The following TUFM variants were observed in gnomAD, a reference collection of about 807,000 sequenced individuals.
TUFM encodes Tu translation elongation factor, mitochondrial.
Under a neutral mutation model 45.0 loss-of-function variants are expected in TUFM, and 23 were observed. The ratio of observed to expected loss-of-function variants is 0.51; its 90% confidence interval spans 0.37 to 0.72. The LOEUF is 0.72. TUFM is among the 30% of genes least tolerant of loss of function. TUFM has a pLI of 0.00. For missense variants in TUFM, 490 were observed against 610.7 expected (o/e 0.80, Z 2.08); for synonymous variants, 243 against 252.9 (o/e 0.96, Z 0.37).
At position 28,843,354 on chromosome 16, in the gene TUFM, TGTTCCTAAG is replaced by T. The variant is rs1007985611; in HGVS notation, c.1195-215_1195-207del. Among the ~76,000 whole-genome samples, 11 of 152,132 alleles carry T rather than the reference TGTTCCTAAG, an allele frequency of 7.2e-5. No homozygotes were observed. The South Asian group carries it at 2.3e-3, about 31-fold the overall frequency. ...AAACATAAAAGAGACCAGTGATGAG[TGTTCCTAAG>T]GTATGTTCTTGAGAAAAAAATGTCT... On this transcript the variant is annotated intron_variant, in intron 9 of 9. Transcript: ENST00000313511.
chr16:28,843,913 T>C, intron 8 of TUFM, 37 bp downstream of exon 8: 2 of 1,614,028 alleles, frequency 1.2e-6, no homozygotes, highest in South Asian at 1.1e-5. Flanking sequence ...GGGGAGAGCT[T>C]GGCTCAACCC....
At position 28,844,838 on chromosome 16, in the gene TUFM, AC is replaced by A. The variant is rs1961892876; in HGVS notation, c.543del (p.Tyr182MetfsTer2). On this transcript the variant is annotated frameshift_variant, in exon 5 of 10. Coordinates refer to ENST00000313511, the MANE Select transcript of TUFM (RefSeq NM_003321.5). LOFTEE classifies it high-confidence loss of function. This position sits in a 1 kb window ranked among gnomAD's most constrained non-coding sequence, Gnocchi z 5.8. ...ARQIGVEHVVVYVNKADAVQD... is the reference protein window; with the variant it reads ...ARQIGVEHVVXYVNKADAVQD... ...TGGACAGCGTCAGCCTTGTTCACAT[AC>A]ACCACCACATGCTCCACCCCAATCT... 5 of 1,614,090 alleles carry A rather than the reference AC, an allele frequency of 3.1e-6. No homozygotes were observed. Among genetic ancestry groups the A allele is most frequent in the Non-Finnish European group, 4.2e-6 (5 of 1,180,026 alleles).
rs1395734945 is a variant in TUFM at position 28,844,026 on chromosome 16, T to C, written c.998A>G (p.Lys333Arg). The change falls in exon 8 of 10, where the codon AAG becomes AGG. Residue 333 changes from lysine to arginine, a missense_variant. Coordinates refer to ENST00000313511, the MANE Select transcript of TUFM (RefSeq NM_003321.5). The surrounding 1 kb of genome is among the most constrained non-coding windows in gnomAD (Gnocchi z 5.8). ...DNLGALVRGL[K>R]REDLRRGLVM... is the part of the protein sequence containing the mutation. ...CAGGCCCCGCCGCAAGTCCTCCCGCTTCAAGCCTCGGACCAGGGCCCCGAG... is the reference window on the plus strand; with the variant it reads ...CAGGCCCCGCCGCAAGTCCTCCCGCCTCAAGCCTCGGACCAGGGCCCCGAG... 2 of 1,614,010 alleles carry C rather than the reference T, an allele frequency of 1.2e-6. No individual in the cohort carries two copies. Among genetic ancestry groups the C allele is most frequent in the Non-Finnish European group, 1.7e-6 (2 of 1,180,038 alleles).
At position 28,842,950 on chromosome 16, in the gene TUFM, G is replaced by T; in HGVS notation, c.*25C>A. 6.2e-7 allele frequency: 1 copy of T among 1,613,484 alleles called. No individual in the cohort carries two copies. On this transcript the variant is annotated 3_prime_UTR_variant, in exon 10 of 10. Transcript: ENST00000313511. ...GGCTAGGGCAGGCCTTAAACGCAAGGGAAGCTGAGCAGAGATCTGCACACT... is the reference window on the plus strand; with the variant it reads ...GGCTAGGGCAGGCCTTAAACGCAAGTGAAGCTGAGCAGAGATCTGCACACT...
At position 28,843,850 on chromosome 16, in the gene TUFM, G is replaced by A; in HGVS notation, c.1080C>T (p.Tyr360=). 6.2e-7 allele frequency: 1 copy of A among 1,614,180 alleles called. No homozygotes were observed. The highest frequency in any genetic ancestry group is 8.5e-7 in the Non-Finnish European group (1 of 1,180,048). ...KPHQKVEAQV[Y]ILSKEEGGRH... The stretch of plus-strand genomic sequence containing the variant: ...GGCCACCTTCCTCCTTGCTGAGGAT[G>A]TAAACCTGGAGGAGAGCAAGCAATG... The change falls in exon 9 of 10, where the codon TAC becomes TAT. Residue 360 remains tyrosine, a synonymous_variant. Coordinates refer to ENST00000313511, the MANE Select transcript of TUFM (RefSeq NM_003321.5).
Position 28,846,264 on chromosome 16 carries a change from G to A in TUFM, c.6C>T (p.Thr2=), listed in dbSNP as rs751421456. The A allele has an allele frequency of 1.9e-4, 296 of 1,560,230 alleles. 1 individual carries two copies. The highest frequency in any genetic ancestry group is 1.2e-3 in the Middle Eastern group (7 of 5,972). Residue 2 remains threonine, a synonymous_variant, in exon 1 of 10, where the codon ACC becomes ACT. Coordinates refer to ENST00000313511, the MANE Select transcript of TUFM (RefSeq NM_003321.5). Reference sequence around the variant, plus strand: ...GCAGCAGGGTGGCGGCCGCCATTGTGGTCATACTCGCGCCCCGGTAACCGG... The same window carrying A: ...GCAGCAGGGTGGCGGCCGCCATTGTAGTCATACTCGCGCCCCGGTAACCGG... M[T]TMAAATLLRA... is the part of the protein sequence containing the mutation.
rs758737343 is a variant in TUFM at position 28,845,449 on chromosome 16, C to T, written c.279G>A (p.Lys93=). The T allele has an allele frequency of 3.8e-5, 62 of 1,614,174 alleles. No homozygotes were observed. The highest frequency in any genetic ancestry group is 5.2e-5 in the Non-Finnish European group (61 of 1,180,020). ...ILAEGGGAKF[K]KYEEIDNAPE... ...GGGCATTGTCAATCTCCTCGTACTT[C>T]TTGAACTTAGCCCCACCTCCCTCAG... The change falls in exon 3 of 10, where the codon AAG becomes AAA. Residue 93 remains lysine, a synonymous_variant. Transcript: ENST00000313511.
chr16:28,845,023 G>T lies in TUFM; in HGVS notation c.447C>A (p.Gly149=), dbSNP rs1316371660. Residue 149 remains glycine, a synonymous_variant, in exon 4 of 10, where the codon GGC becomes GGA. Coordinates refer to ENST00000313511, the MANE Select transcript of TUFM (RefSeq NM_003321.5). ...NMITGTAPLD[G]CILVVAANDG... ...CATTGGCTGCTACCACCAGGATGCA[G>T]CCGTCGAGGGGTGCAGTGCCTGTGA... The T allele has an allele frequency of 6.2e-7, 1 of 1,614,064 alleles. No homozygotes were observed. Among genetic ancestry groups the T allele is most frequent in the Non-Finnish European group, 8.5e-7 (1 of 1,180,038 alleles).
chr16:28,843,366 A>G (rs1961849505), intron 9 of TUFM, among the ~76,000 whole-genome samples: 1 of 152,188 alleles, frequency 6.6e-6, no homozygotes, highest in Non-Finnish European at 1.5e-5. Flanking sequence ...TTCCTAAGGT[A>G]TGTTCTTGAG....
In TUFM at chr16:28,845,486, G is replaced by C. The variant is rs1254801000; in HGVS notation, c.248-6C>G. ...CCCACCTCCCTCAGCTAGAACTAAA[G>C]GAGGAAAAGAACACACCTCTCAGCT... On this transcript the variant is annotated splice_polypyrimidine_tract_variant and splice_region_variant and intron_variant, in intron 2 of 9. Coordinates refer to ENST00000313511, the MANE Select transcript of TUFM (RefSeq NM_003321.5). 1.2e-6 allele frequency: 2 copies of C among 1,614,122 alleles called. No homozygotes were observed. The highest frequency in any genetic ancestry group is 1.1e-5 in the South Asian group (1 of 91,088).
At position 28,843,852 on chromosome 16, in the gene TUFM, A is replaced by C; in HGVS notation, c.1078T>G (p.Tyr360Asp). 1 of 1,614,120 alleles carries C rather than the reference A, an allele frequency of 6.2e-7. No homozygotes were observed. The highest frequency in any genetic ancestry group is 8.5e-7 in the Non-Finnish European group (1 of 1,180,028). The change falls in exon 9 of 10, where the codon TAC becomes GAC. Residue 360 changes from tyrosine to aspartate, a missense_variant. Coordinates refer to ENST00000313511, the MANE Select transcript of TUFM (RefSeq NM_003321.5). ...KPHQKVEAQVYILSKEEGGRH... is the reference protein window; with the variant it reads ...KPHQKVEAQVDILSKEEGGRH... ...CCACCTTCCTCCTTGCTGAGGATGT[A>C]AACCTGGAGGAGAGCAAGCAATGAC...
intron 3 of TUFM, 76 bp downstream of exon 3, chr16:28,845,238 C>T (rs1596603517): frequency 3.7e-6 from 6 of 1,610,258 alleles, no homozygotes; most frequent in East Asian, 2.2e-5. Context: ...ATCTTAATCT[C>T]CTCCCCACAA....
chr16:28,842,747 C>T lies in TUFM; in HGVS notation c.*228G>A, dbSNP rs1961833909. 1 of 607,562 alleles carries T rather than the reference C, an allele frequency of 1.6e-6. No homozygotes were observed. The highest frequency in any genetic ancestry group is 1.8e-5 in the South Asian group (1 of 55,136). 37.6% of individuals were successfully genotyped at this position (607,562 alleles called of 1,614,324 possible). A position where few individuals can be genotyped will look rare whatever the true frequency, so the allele number is the denominator to read the frequency against. On this transcript the variant is annotated 3_prime_UTR_variant, in exon 10 of 10. Coordinates refer to ENST00000313511, the MANE Select transcript of TUFM (RefSeq NM_003321.5). ...GGTTCAACACCCTTTTTGTCCTCCC[C>T]TATCCTCTCCAATTTGCACAAAGGA...
rs1567455349 is a variant in TUFM at position 28,846,170 on chromosome 16, CT to C, written c.52+47del. On this transcript the variant is annotated intron_variant, in intron 1 of 9. Transcript: ENST00000313511. ...TCAGACCGAACCCAGCCACCTACCA[CT>C]CCCCCAAAGTGTTCCTGGGCCGCCA... The C allele has an allele frequency of 2.5e-6, 4 of 1,599,544 alleles. No individual in the cohort carries two copies. In the South Asian group the frequency reaches 4.5e-5, roughly 18 times the overall value.
Position 28,844,879 on chromosome 16 carries a change from G to A in TUFM, c.520-17C>T, listed in dbSNP as rs1285038739. The A allele has an allele frequency of 1.4e-5, 22 of 1,614,036 alleles. No individual in the cohort carries two copies. The highest frequency in any genetic ancestry group is 1.8e-5 in the Non-Finnish European group (21 of 1,180,040). On this transcript the variant is annotated splice_polypyrimidine_tract_variant and intron_variant, in intron 4 of 9. Transcript: ENST00000313511. This position sits in a 1 kb window ranked among gnomAD's most constrained non-coding sequence, Gnocchi z 5.8. ...CACCCCAATCTGTAGATGCCAGAGA[G>A]ACAGGGACAATATACAGAGGGGCCC... is the stretch of plus-strand genomic sequence containing the variant.
chr16:28,844,184 G>A lies in TUFM; in HGVS notation c.922+46C>T. ...AGGCACAAGGGATCTGCCGGGGTAA[G>A]GCCACCCTTCAGCCAGGCCCTGCTC... On this transcript the variant is annotated intron_variant, in intron 7 of 9. Coordinates refer to ENST00000313511, the MANE Select transcript of TUFM (RefSeq NM_003321.5). The surrounding 1 kb of genome is among the most constrained non-coding windows in gnomAD (Gnocchi z 5.8). 1.2e-6 allele frequency: 2 copies of A among 1,613,580 alleles called. No individual in the cohort carries two copies. The highest frequency in any genetic ancestry group is 1.7e-6 in the Non-Finnish European group (2 of 1,179,490).
chr16:28,845,124 T>G, intron 3 of TUFM, 69 bp from the exon 4 acceptor site: 1 of 1,588,192 alleles, frequency 6.3e-7, no homozygotes, highest in Non-Finnish European at 8.6e-7. Context: ...TATAGCCAAG[T>G]GTAGCAGTTA....
rs745581056 is a variant in TUFM at position 28,844,085 on chromosome 16, G to A, written c.939C>T (p.His313=). The A allele has an allele frequency of 5.0e-6, 8 of 1,614,182 alleles. No individual in the cohort carries two copies. The highest frequency in any genetic ancestry group is 6.8e-6 in the Non-Finnish European group (8 of 1,180,042). ...RTVVTGIEMF[H]KSLERAEAGD... is the part of the protein sequence containing the mutation. ...CGGCCTCGGCCCTCTCCAGGCTCTTGTGGAACATCTCAATGCCTAGGACGG... is the reference window on the plus strand; with the variant it reads ...CGGCCTCGGCCCTCTCCAGGCTCTTATGGAACATCTCAATGCCTAGGACGG... Residue 313 remains histidine (H), a synonymous_variant, in exon 8 of 10, where the codon CAC becomes CAT. Transcript: ENST00000313511. This position sits in a 1 kb window ranked among gnomAD's most constrained non-coding sequence, Gnocchi z 5.8.
In TUFM at chr16:28,842,844, C is replaced by T; in HGVS notation, c.*131G>A. 1 of 1,235,012 alleles carries T rather than the reference C, an allele frequency of 8.1e-7. No homozygotes were observed. The highest frequency in any genetic ancestry group is 1.2e-6 in the Non-Finnish European group (1 of 843,946). 76.5% of individuals were successfully genotyped at this position (1,235,012 alleles called of 1,614,324 possible). ...AGCCAGGCAGGCCAACCCTTCCGAG[C>T]AGGGGAAATGTCCATCTAGCTGCCC... On this transcript the variant is annotated 3_prime_UTR_variant, in exon 10 of 10. Transcript: ENST00000313511.
Sources: allele counts gnomAD v4.1 joint callset (sites outside exome capture counted in the v4.1 genomes callset), GRCh38; gene constraint gnomAD v4.1.1; non-coding constraint Gnocchi (gnomAD v3.1); transcripts MANE v1.5; gene names NCBI Gene and HGNC (gene_info 2026-07-23, HGNC 2026-07-21).